HTR2A: variants seen among roughly 807,000 people sequenced by gnomAD.
HTR2A encodes 5-HT2 receptor.
HTR2A carries 14 observed loss-of-function variants against 31.0 expected under a neutral mutation model. The ratio of observed to expected loss-of-function variants is 0.45; its 90% CI spans 0.30 to 0.71. The LOEUF (loss-of-function observed/expected upper bound fraction) is 0.71, where lower values mean the gene tolerates loss of function less well. HTR2A is among the 30% of genes least tolerant of loss of function. The probability of loss-of-function intolerance (pLI) is 0.09; values close to 1 mark genes in which losing one functional copy is unlikely to be tolerated. For missense variants in HTR2A, 442 were observed against 573.3 expected, an observed-to-expected ratio of 0.77 and a Z score of 2.34; for synonymous variants, 209 against 225.2, an observed-to-expected ratio of 0.93 and a Z score of 0.64.
At chr13:46,883,203 A>C (rs1950980415) in intron 3 of HTR2A, among the ~76,000 whole-genome samples, 1 of 151,804 alleles carries the variant, frequency 6.6e-6, no homozygotes, top group South Asian at 2.1e-4. Context: ...TTCCTGAAAC[A>C]TCTGCACTGT....
intron 3 of HTR2A, among the ~76,000 whole-genome samples, chr13:46,845,800 A>G (rs1950638217): frequency 6.6e-6 from 1 of 152,204 alleles, no homozygotes; most frequent in South Asian, 2.1e-4. Context: ...TACCCTCTTA[A>G]AAGGGTGAAT....
At chr13:46,852,727 G>C (rs1025319826) in intron 3 of HTR2A, among the ~76,000 whole-genome samples, 11 of 152,134 alleles carry the variant, frequency 7.2e-5, no homozygotes, top group African/African-American at 1.7e-4. Flanking sequence ...TCTTTCCTTG[G>C]CCTGTCCACA....
At chr13:46,886,809 C>T (rs769444889) in intron 3 of HTR2A, among the ~76,000 whole-genome samples, 25 of 152,010 alleles carry the variant, frequency 1.6e-4, no homozygotes, top group Non-Finnish European at 3.2e-4. Flanking sequence ...ATTGAGAGAC[C>T]GAATAGCTAA....
intron 3 of HTR2A, among the ~76,000 whole-genome samples, chr13:46,862,249 T>A (rs1318621402): frequency 6.6e-6 from 1 of 152,242 alleles, no homozygotes; most frequent in Non-Finnish European, 1.5e-5. Flanking sequence ...CCAATCAGCT[T>A]AAGTATATTG....
intron 3 of HTR2A, among the ~76,000 whole-genome samples, chr13:46,860,813 C>T (rs1566308838): frequency 6.6e-6 from 1 of 152,090 alleles, no homozygotes; most frequent in Non-Finnish European, 1.5e-5. Context: ...TTAAGATTTG[C>T]TAATGGTTTT....
Position 46,834,911 on chromosome 13 carries a change from G to C in HTR2A, c.1342C>G (p.Leu448Val). The C allele has an allele frequency of 1.2e-6, 2 of 1,614,012 alleles. No homozygotes were observed. The highest frequency in any genetic ancestry group is 1.1e-5 in the South Asian group (1 of 91,066). ...TTDNDCSMVALGKQHSEEASK... is the reference protein window; with the variant it reads ...TTDNDCSMVAVGKQHSEEASK... ...GCCTCTTCAGAATGCTGCTTTCCTAGAGCAACCATTGAGCAGTCATTATCT... is the reference window on the plus strand; with the variant it reads ...GCCTCTTCAGAATGCTGCTTTCCTACAGCAACCATTGAGCAGTCATTATCT... Residue 448 changes from leucine (L) to valine (V), a missense_variant, in exon 4 of 4, where the codon CTA (leucine) becomes GTA (valine). Leu to Val is a conservative substitution (Grantham distance 32, BLOSUM62 1). Coordinates refer to ENST00000542664, the MANE Select transcript of HTR2A (RefSeq NM_000621.5).
chr13:46,875,790 A>C (rs1950904375), intron 3 of HTR2A, among the ~76,000 whole-genome samples: 1 of 152,228 alleles, frequency 6.6e-6, no homozygotes, highest in African/African-American at 2.4e-5. Flanking sequence ...CTGTTCATCC[A>C]GGACTCCAAA....
chr13:46,843,015 T>C (rs1352580246), intron 3 of HTR2A, among the ~76,000 whole-genome samples: 1 of 152,222 alleles, frequency 6.6e-6, no homozygotes, highest in African/African-American at 2.4e-5. Context: ...AATCTTGTGT[T>C]GTCCTACTCC....
At chr13:46,869,057 C>G (rs921128375) in intron 3 of HTR2A, among the ~76,000 whole-genome samples, 2 of 151,892 alleles carry the variant, frequency 1.3e-5, no homozygotes, top group African/African-American at 4.8e-5. Flanking sequence ...TCACCAAAAG[C>G]ACAAACAAAA....
At chr13:46,868,846 A>G (rs1426002065) in intron 3 of HTR2A, among the ~76,000 whole-genome samples, 1 of 152,192 alleles carries the variant, frequency 6.6e-6, no homozygotes, top group African/African-American at 2.4e-5. Context: ...CACAAATTCA[A>G]TATGTATTAA....
upstream of HTR2A, among the ~76,000 whole-genome samples, chr13:46,898,004 G>A (rs988656856): frequency 5.9e-5 from 9 of 152,084 alleles, no homozygotes; most frequent in East Asian, 1.9e-4. Flanking sequence ...GCTGTTATCC[G>A]CGACTCTTCC....
chr13:46,841,888 A>C (rs1242598393), intron 3 of HTR2A, among the ~76,000 whole-genome samples: 3 of 152,138 alleles, frequency 2.0e-5, no homozygotes, highest in Non-Finnish European at 4.4e-5. Context: ...TTCAGCCCCC[A>C]GACAATATAT....
rs530730727 is a variant in HTR2A at position 46,855,819 on chromosome 13, T to C, written c.614-20180A>G. On this transcript the variant is annotated intron_variant, in intron 3 of 3. Transcript: ENST00000542664. Reference sequence around the variant, plus strand: ...GCTGATAGTAGGGCATATAAAGTTATGTTTAATGTGGTGTATTGTGTATAA... The same window carrying C: ...GCTGATAGTAGGGCATATAAAGTTACGTTTAATGTGGTGTATTGTGTATAA... 1.6e-3 allele frequency among the ~76,000 whole-genome samples: 244 copies of C among 152,350 alleles called. 2 individuals carry two copies. The highest frequency in any genetic ancestry group is 2.4e-3 in the Admixed American group (36 of 15,304).
chr13:46,891,455 C>G (rs1434498513), intron 3 of HTR2A, among the ~76,000 whole-genome samples: 1 of 152,164 alleles, frequency 6.6e-6, no homozygotes, highest in African/African-American at 2.4e-5. Context: ...ACAATGGGAA[C>G]TAAAATACAC....
chr13:46,867,297 G>A (rs1329920521), intron 3 of HTR2A, among the ~76,000 whole-genome samples: 1 of 152,140 alleles, frequency 6.6e-6, no homozygotes, highest in African/African-American at 2.4e-5. Context: ...TATGTGCTAG[G>A]TGCCAAATAC....
At chr13:46,891,604 C>A (rs531875742) in intron 3 of HTR2A, among the ~76,000 whole-genome samples, 75 of 152,282 alleles carry the variant, frequency 4.9e-4, no homozygotes, top group African/African-American at 1.7e-3. Context: ...CTGGCGTGGC[C>A]ATAAACAGGT....
chr13:46,844,998 T>C (rs1950629622), intron 3 of HTR2A, among the ~76,000 whole-genome samples: 1 of 151,320 alleles, frequency 6.6e-6, no homozygotes, highest in African/African-American at 2.4e-5. Flanking sequence ...AGACATTTCA[T>C]GATGTCTAAG....
intron 3 of HTR2A, among the ~76,000 whole-genome samples, chr13:46,841,055 A>G (rs1231369201): frequency 6.6e-6 from 1 of 152,050 alleles, no homozygotes; most frequent in Non-Finnish European, 1.5e-5. Context: ...TATGTGTTTG[A>G]CAGTTCCTCC....
chr13:46,835,048 T>C lies in HTR2A; in HGVS notation c.1205A>G (p.Asn402Ser). 1 of 1,614,130 alleles carries C rather than the reference T, an allele frequency of 6.2e-7. No homozygotes were observed. Residue 402 changes from asparagine (N) to serine (S), a missense_variant, in exon 4 of 4, where the codon AAC becomes AGC. Coordinates refer to ENST00000542664, the MANE Select transcript of HTR2A (RefSeq NM_000621.5). ...TAAAATTAACTGCAATGGTTTTTTGTTTTCCTTGTACTGACACTGAATATA... is the reference window on the plus strand; with the variant it reads ...TAAAATTAACTGCAATGGTTTTTTGCTTTCCTTGTACTGACACTGAATATA... The part of the protein sequence containing the change: ...SRYIQCQYKE[N>S]KKPLQLILVN...
Sources: gnomAD v4.1 joint callset for allele counts (sites outside exome capture counted in the v4.1 genomes callset) on GRCh38, gnomAD v4.1.1 for gene constraint, MANE v1.5 for transcripts, NCBI Gene and HGNC (gene_info 2026-07-23, HGNC 2026-07-21) for gene names.